Variants in CRPPA observed in about 807,000 individuals in gnomAD.
The protein encoded by CRPPA is CDP-L-ribitol pyrophosphorylase A.
Under a neutral mutation model 52.0 loss-of-function variants are expected in CRPPA, and 43 were observed. That is an observed-to-expected ratio of 0.83 (90% CI 0.65 to 1.07). CRPPA has a LOEUF of 1.07. Among genes scored for constraint, CRPPA ranks in the 50% least tolerant of loss-of-function variants. The probability of loss-of-function intolerance (pLI) is 0.00; values close to 1 mark genes in which losing one functional copy is unlikely to be tolerated. For synonymous variants in CRPPA, 250 were observed against 203.5 expected (o/e 1.23, Z -1.94); for missense variants, 629 against 551.7 (o/e 1.14, Z -1.40).
At chr7:16,301,965 A>T (rs1157729909) in intron 4 of CRPPA, among the ~76,000 whole-genome samples, 1 of 152,162 alleles carries the variant, frequency 6.6e-6, no homozygotes, top group East Asian at 1.9e-4. Context: ...GATTTTTATT[A>T]AAAATGTGGC....
At chr7:16,186,522 A>G (rs1781507736) in intron 9 of CRPPA, among the ~76,000 whole-genome samples, 1 of 152,202 alleles carries the variant, frequency 6.6e-6, no homozygotes, top group Admixed American at 6.5e-5. Context: ...TAATCTATGG[A>G]AATTTGTTAT....
Position 16,410,648 on chromosome 7 carries a change from C to T in CRPPA, c.258-4311G>A, listed in dbSNP as rs113994230. On this transcript the variant is annotated intron_variant, in intron 1 of 9. Transcript: ENST00000407010. ...CCCCTGCTGGCTCTCGAGCAAGACC[C>T]TTCAAGACCTGACCTCAGCCTACTT... is the stretch of plus-strand genomic sequence containing the variant. Among the ~76,000 whole-genome samples the T allele has an allele frequency of 4.6e-3, 700 of 152,284 alleles. 7 individuals carry two copies. The highest frequency in any genetic ancestry group is 0.016 in the African/African-American group (670 of 41,560).
At chr7:16,305,945 T>A (rs952345390) in intron 4 of CRPPA, among the ~76,000 whole-genome samples, 2 of 152,128 alleles carry the variant, frequency 1.3e-5, no homozygotes, top group Non-Finnish European at 2.9e-5. Context: ...GAAATCAAGA[T>A]ACAAGTAGGA....
rs1268440229 is a variant in CRPPA, at chr7:16,421,348, G to T, written c.-26C>A. Reference sequence around the variant, plus strand: ...GGCTGCGGGCGGAACGGCGAGCCCCGCTAGCCTCGGGCCGATGCGACCCCG... The same window carrying T: ...GGCTGCGGGCGGAACGGCGAGCCCCTCTAGCCTCGGGCCGATGCGACCCCG... On this transcript the variant is annotated 5_prime_UTR_variant, in exon 1 of 10. Coordinates refer to ENST00000407010, the MANE Select transcript of CRPPA (RefSeq NM_001101426.4). The T allele has an allele frequency of 5.4e-5, 67 of 1,235,502 alleles. No individual in the cohort carries two copies. The highest frequency in any genetic ancestry group is 6.7e-5 in the Non-Finnish European group (66 of 988,122). 76.5% of individuals were successfully genotyped at this position (1,235,502 alleles called of 1,614,324 possible).
chr7:16,169,010 A>G (rs1241816194), intron 9 of CRPPA, among the ~76,000 whole-genome samples: 2 of 152,200 alleles, frequency 1.3e-5, no homozygotes, highest in East Asian at 3.8e-4. Context: ...AAATTTTGTT[A>G]GGAAAGTTTA....
At chr7:16,224,783 A>G (rs549103017) in intron 8 of CRPPA, among the ~76,000 whole-genome samples, 56 of 152,304 alleles carry the variant, frequency 3.7e-4, no homozygotes, top group African/African-American at 1.3e-3. Flanking sequence ...ATTAGAAAAG[A>G]TTTTAGAAAA....
Position 16,302,048 on chromosome 7 carries a change from A to G in CRPPA, c.790-582T>C, listed in dbSNP as rs924208599. ...GATGATCTTTCCTTAAAAATATGCA[A>G]CCTCTTGGGAGGCCAAGGCAGGCGG... On this transcript the variant is annotated intron_variant, in intron 4 of 9. Transcript: ENST00000407010. Among the ~76,000 whole-genome samples, 4 of 152,178 alleles carry G rather than the reference A, an allele frequency of 2.6e-5. No homozygotes were observed. In the East Asian group the frequency reaches 7.7e-4, roughly 29 times the overall value.
intron 8 of CRPPA, among the ~76,000 whole-genome samples, chr7:16,234,352 A>T (rs1782883484): frequency 1.3e-5 from 2 of 152,132 alleles, no homozygotes; most frequent in African/African-American, 4.8e-5. Flanking sequence ...ACAATTTAAA[A>T]TAAGACATAA....
intron 8 of CRPPA, 138 bp downstream of exon 8, chr7:16,258,252 A>G (rs1783696602): frequency 2.0e-6 from 1 of 512,294 alleles, no homozygotes; most frequent in Admixed American, 3.7e-5. Flanking sequence ...CTAGAGAGTA[A>G]GCAGAGGAAT....
intron 9 of CRPPA, among the ~76,000 whole-genome samples, chr7:16,116,675 A>AAGGGAAGGGAAG (rs6150004): frequency 2.1e-5 from 2 of 96,618 alleles, no homozygotes; most frequent in Non-Finnish European, 4.1e-5. Context: ...AAAAAAAAAA[A>AAGGGAAGGGAAG]GGAAAGGAAA....
At chr7:16,221,140 A>G (rs1189520107) in intron 8 of CRPPA, among the ~76,000 whole-genome samples, 5 of 152,176 alleles carry the variant, frequency 3.3e-5, no homozygotes, top group Non-Finnish European at 7.4e-5. Flanking sequence ...AAATAACGCC[A>G]CATATCTACA....
intron 2 of CRPPA, among the ~76,000 whole-genome samples, chr7:16,383,135 G>T (rs537008267): frequency 1.3e-5 from 2 of 152,038 alleles, no homozygotes; most frequent in African/African-American, 4.8e-5. Flanking sequence ...ATCTACTTTT[G>T]GTCTTTGATG....
chr7:16,286,097 A>AAAAAAATATATATAT lies in CRPPA; in HGVS notation c.836-7872_836-7871insATATATATATTTTTT. Among the ~76,000 whole-genome samples the AAAAAAATATATATAT allele has an allele frequency of 1.5e-3, 60 of 39,110 alleles. 7 individuals are homozygous for AAAAAAATATATATAT. The highest frequency in any genetic ancestry group is 2.0e-3 in the African/African-American group (11 of 5,448). 25.7% of individuals were successfully genotyped at this position (39,110 alleles called of 152,430 possible). On this transcript the variant is annotated intron_variant, in intron 5 of 9. Coordinates refer to ENST00000407010, the MANE Select transcript of CRPPA (RefSeq NM_001101426.4). ...TATATATATAATATTTAAAAAAAAA[A>AAAAAAATATATATAT]ATATATATATATATATATATGCCAA...
intron 4 of CRPPA, among the ~76,000 whole-genome samples, chr7:16,302,529 G>C (rs1348104903): frequency 6.6e-6 from 1 of 152,006 alleles, no homozygotes; most frequent in Non-Finnish European, 1.5e-5. Flanking sequence ...CTTTTATAAG[G>C]TCTTAAAAGC....
At chr7:16,268,129 C>T (rs1784000752) in intron 6 of CRPPA, among the ~76,000 whole-genome samples, 1 of 152,014 alleles carries the variant, frequency 6.6e-6, no homozygotes, top group Non-Finnish European at 1.5e-5. Context: ...AAATGACAAT[C>T]ACTTAAATGA....
At chr7:16,153,702 T>C (rs1179548193) in intron 9 of CRPPA, among the ~76,000 whole-genome samples, 2 of 152,138 alleles carry the variant, frequency 1.3e-5, no homozygotes, top group Non-Finnish European at 2.9e-5. Context: ...ACTTAATATC[T>C]CAAATAATCT....
chr7:16,095,847 C>A (rs1781925211), intron 9 of CRPPA, among the ~76,000 whole-genome samples: 2 of 152,296 alleles, frequency 1.3e-5, no homozygotes, highest in Admixed American at 1.3e-4. Context: ...AAAATTCCTT[C>A]AGTCCTTGGC....
intron 3 of CRPPA, among the ~76,000 whole-genome samples, chr7:16,354,827 T>G (rs1433251295): frequency 6.6e-6 from 1 of 152,188 alleles, no homozygotes; most frequent in Non-Finnish European, 1.5e-5. Flanking sequence ...TCTTTTTTAA[T>G]ATATATTTCA....
chr7:16,095,499 AT>A (rs934133082), intron 9 of CRPPA, among the ~76,000 whole-genome samples: 21 of 152,324 alleles, frequency 1.4e-4, no homozygotes, highest in African/African-American at 4.8e-4. Flanking sequence ...AAGTAAACTA[AT>A]TTCAGCTATG....
Sources: gnomAD v4.1 joint callset for allele counts (sites outside exome capture counted in the v4.1 genomes callset) on GRCh38, gnomAD v4.1.1 for gene constraint, MANE v1.5 for transcripts, NCBI Gene and HGNC (gene_info 2026-07-23, HGNC 2026-07-21) for gene names.